Variants in LTBP1 observed in about 807,000 individuals in gnomAD.
LTBP1 encodes the protein latent-transforming growth factor beta-binding protein 1.
LTBP1 carries 129 observed loss-of-function variants against 207.6 expected under a neutral mutation model. That is an observed-to-expected ratio of 0.62 (90% CI 0.54 to 0.72). LTBP1 has a LOEUF of 0.72. Ranked by LOEUF, LTBP1 falls within the 30% of genes least tolerant of loss-of-function variation. LTBP1 has a pLI of 0.00. For synonymous variants in LTBP1, 963 were observed against 833.7 expected (o/e 1.16, Z -2.67); for missense variants, 2,281 against 2,217.2 (o/e 1.03, Z -0.58).
In LTBP1 at chr2:33,238,101, A is replaced by G. The variant is rs1233856800; in HGVS notation, c.1877-5561A>G. Among the ~76,000 whole-genome samples, 5 of 152,198 alleles carry G rather than the reference A, an allele frequency of 3.3e-5. No homozygotes were observed. The East Asian group carries it at 9.6e-4, about 29-fold the overall frequency. ...AATAACTTAATAGTCTGTCTGGGAAAAGTATTTGTATTAAGAGGTATTTTT... is the reference window on the plus strand; with the variant it reads ...AATAACTTAATAGTCTGTCTGGGAAGAGTATTTGTATTAAGAGGTATTTTT... On this transcript the variant is annotated intron_variant, in intron 9 of 33. Transcript: ENST00000404816.
At chr2:33,214,872 TAA>T (rs879292706) in intron 7 of LTBP1, among the ~76,000 whole-genome samples, 12 of 140,286 alleles carry the variant, frequency 8.6e-5, no homozygotes, top group Admixed American at 1.4e-4. Context: ...CAAGTTCATC[TAA>T]AAAAAAAAAA....
intron 24 of LTBP1, among the ~76,000 whole-genome samples, chr2:33,323,335 C>T (rs2094382829): frequency 6.6e-6 from 1 of 152,030 alleles, no homozygotes; most frequent in African/African-American, 2.4e-5. Flanking sequence ...GCTCCTGTAC[C>T]TTCATAAAGT....
chr2:33,079,318 G>A (rs1185005515), intron 3 of LTBP1, among the ~76,000 whole-genome samples: 3 of 152,148 alleles, frequency 2.0e-5, no homozygotes, highest in Non-Finnish European at 4.4e-5. Context: ...GAGTATCACA[G>A]TGAAATGGGA....
At chr2:32,952,411 T>G (rs1677280297) in intron 2 of LTBP1, among the ~76,000 whole-genome samples, 1 of 152,206 alleles carries the variant, frequency 6.6e-6, no homozygotes, top group African/African-American at 2.4e-5. Flanking sequence ...CATTTGTATG[T>G]GGATCCCTAG....
At chr2:33,350,594 ATATAT>A (rs1317943603) in intron 26 of LTBP1, among the ~76,000 whole-genome samples, 2 of 152,168 alleles carry the variant, frequency 1.3e-5, no homozygotes, top group Non-Finnish European at 2.9e-5. Context: ...CTTCCCACAT[ATATAT>A]TTTTTAGGTC....
intron 3 of LTBP1, among the ~76,000 whole-genome samples, chr2:33,103,585 A>ATGTGTGTGTGTGTGTGTGTGTG (rs1558640670): frequency 1.3e-5 from 1 of 77,214 alleles, no homozygotes; most frequent in African/African-American, 4.1e-5. Flanking sequence ...GTCTCCGTTT[A>ATGTGTGTGTGTGTGTGTGTGTG]CGTGTGTGTG....
intron 8 of LTBP1, among the ~76,000 whole-genome samples, chr2:33,221,137 C>T (rs1331442982): frequency 6.6e-6 from 1 of 152,144 alleles, no homozygotes; most frequent in Admixed American, 6.5e-5. Flanking sequence ...TAGAAGAATT[C>T]CTTACTGCAG....
intron 5 of LTBP1, among the ~76,000 whole-genome samples, chr2:33,182,376 G>T (rs2086726812): frequency 6.6e-6 from 1 of 151,836 alleles, no homozygotes; most frequent in South Asian, 2.1e-4. Context: ...AAAAAAGGTG[G>T]TGTTGGCCGG....
chr2:33,263,218 G>A, intron 14 of LTBP1, 76 bp from the exon 15 acceptor site: 1 of 847,546 alleles, frequency 1.2e-6, no homozygotes, highest in Admixed American at 1.8e-5. Context: ...ACTAAATTAT[G>A]CTTGCATTTT....
At chr2:33,088,656 A>G (rs2078896743) in intron 3 of LTBP1, among the ~76,000 whole-genome samples, 1 of 152,180 alleles carries the variant, frequency 6.6e-6, no homozygotes. Context: ...AGAACAGTGT[A>G]CAGTAGGGAC....
chr2:33,087,084 CTTTTTTTTTT>C (rs35334788), intron 3 of LTBP1, among the ~76,000 whole-genome samples: 115 of 88,968 alleles, frequency 1.3e-3, no homozygotes, highest in East Asian at 1.7e-3. Context: ...CTCCTTTATG[CTTTTTTTTTT>C]TTTTTTTTTT....
chr2:33,139,692 C>T (rs1157062898), intron 5 of LTBP1, among the ~76,000 whole-genome samples: 1 of 151,954 alleles, frequency 6.6e-6, no homozygotes, highest in Non-Finnish European at 1.5e-5. Context: ...TGGTAAGTTC[C>T]AAAGTAAAGA....
At chr2:33,327,258 T>A (rs2094439676) in intron 24 of LTBP1, among the ~76,000 whole-genome samples, 1 of 152,162 alleles carries the variant, frequency 6.6e-6, no homozygotes, top group Non-Finnish European at 1.5e-5. Flanking sequence ...ATGAAATAGG[T>A]CTTACTTCCG....
chr2:33,104,954 T>C (rs1000707432), intron 3 of LTBP1, among the ~76,000 whole-genome samples: 8 of 152,330 alleles, frequency 5.3e-5, no homozygotes, highest in African/African-American at 1.7e-4. Context: ...AACCTTCAAG[T>C]TGCTGGAATC....
intron 2 of LTBP1, among the ~76,000 whole-genome samples, chr2:32,967,779 T>A (rs1453002975): frequency 2.0e-5 from 3 of 152,220 alleles, no homozygotes; most frequent in African/African-American, 7.2e-5. Context: ...ATGAGTAAAA[T>A]GTATATTCTG....
At chr2:33,022,862 A>G (rs1257354978) in intron 3 of LTBP1, among the ~76,000 whole-genome samples, 1 of 152,236 alleles carries the variant, frequency 6.6e-6, no homozygotes, top group African/African-American at 2.4e-5. Flanking sequence ...TTTGAATTTC[A>G]TATAAATTTC....
Position 33,274,980 on chromosome 2 carries a change from C to A in LTBP1, c.2759C>A (p.Thr920Asn). Residue 920 changes from threonine (T) to asparagine (N), a missense_variant, in exon 17 of 34, where the codon ACT becomes AAT. Physicochemically the swap from Thr to Asn is moderately conservative, Grantham distance 65. This residue lies in a region of LTBP1 where 1,671 missense variants were observed against 1,634.8 expected (regional missense o/e 1.02). Coordinates refer to ENST00000404816, the MANE Select transcript of LTBP1 (RefSeq NM_206943.4). ...TTGTTAACAGATATTGATGAGTGTA[C>A]TCAGGTCCAACACCTCTGCTCCCAG... ...QRKCVDIDEC[T>N]QVQHLCSQGR... The A allele has an allele frequency of 6.2e-7, 1 of 1,613,946 alleles. No individual in the cohort carries two copies. Among genetic ancestry groups the A allele is most frequent in the Non-Finnish European group, 8.5e-7 (1 of 1,179,896 alleles).
At chr2:33,276,709 G>T (rs1485704536) in intron 18 of LTBP1, among the ~76,000 whole-genome samples, 4 of 152,110 alleles carry the variant, frequency 2.6e-5, no homozygotes, top group African/African-American at 9.7e-5. Context: ...AAATTAGCTG[G>T]ATGTGGTGGC....
chr2:33,097,016 A>T (rs963770292), intron 3 of LTBP1, among the ~76,000 whole-genome samples: 8 of 152,192 alleles, frequency 5.3e-5, no homozygotes, highest in African/African-American at 1.9e-4. Flanking sequence ...GGAGAGGAAG[A>T]TACTGATAAA....
Sources: allele counts gnomAD v4.1 joint callset (sites outside exome capture counted in the v4.1 genomes callset), GRCh38; gene constraint gnomAD v4.1.1; regional missense constraint gnomAD v4.1.1; transcripts MANE v1.5; gene names NCBI Gene and HGNC (gene_info 2026-07-23, HGNC 2026-07-21).